The following C16orf74 variants were observed in gnomAD, a reference collection of about 807,000 sequenced individuals.
C16orf74 encodes uncharacterized protein C16orf74.
A neutral mutation model predicts 6.5 loss-of-function variants in C16orf74; 10 were observed. That is an observed-to-expected ratio of 1.54 (90% confidence interval 0.95 to 2.61). The LOEUF is 2.61. C16orf74 is among the 30% of genes most tolerant of loss of function. The probability of loss-of-function intolerance (pLI) is 0.00; values close to 1 mark genes in which losing one functional copy is unlikely to be tolerated. For synonymous variants in C16orf74, 60 were observed against 42.5 expected (o/e 1.41, Z -1.60); for missense variants, 141 against 105.9 (o/e 1.33, Z -1.45).
chr16:85,735,321 T>C (rs962341555), intron 1 of C16orf74, 86 bp from the exon 2 acceptor site: 20 of 897,238 alleles, frequency 2.2e-5, no homozygotes, highest in African/African-American at 3.5e-5. Context: ...CCCTTGGCCC[T>C]GATGAGTGCA....
Position 85,710,790 on chromosome 16 carries a change from C to T in C16orf74, c.29-483G>A, listed in dbSNP as rs180983723. On this transcript the variant is annotated intron_variant, in intron 2 of 3. Transcript: ENST00000284245. ...GCCTGAGTAACAAGCTCCTGCTTAT[C>T]CTTCAAAGCCCAGTGCAACGGGCTC... is the stretch of plus-strand genomic sequence containing the variant. The T allele has an allele frequency of 5.3e-3, 824 of 154,224 alleles. 9 individuals carry two copies. The highest frequency in any genetic ancestry group is 0.019 in the African/African-American group (803 of 41,652). The allele number at this position is 154,224 out of a possible 1,614,324, so 9.6% of individuals were successfully genotyped here.
chr16:85,731,153 G>T (rs1184568743), intron 2 of C16orf74, among the ~76,000 whole-genome samples: 1 of 152,186 alleles, frequency 6.6e-6, no homozygotes, highest in South Asian at 2.1e-4. Context: ...AAACCTGTGG[G>T]CTGGATGCAG....
chr16:85,747,607 A>G (rs2054388664), intron 1 of C16orf74, among the ~76,000 whole-genome samples: 1 of 152,172 alleles, frequency 6.6e-6, no homozygotes, highest in Admixed American at 6.5e-5. Flanking sequence ...CACTTATTAC[A>G]ATGGGCATAT....
intron 2 of C16orf74, among the ~76,000 whole-genome samples, chr16:85,732,665 CAAA>C (rs66539936): frequency 6.8e-4 from 30 of 44,162 alleles, no homozygotes; most frequent in African/African-American, 1.0e-3. Flanking sequence ...GACTCTGTCT[CAAA>C]AAAAAAAAAA....
chr16:85,737,366 G>T (rs2054256251), intron 1 of C16orf74, among the ~76,000 whole-genome samples: 1 of 152,046 alleles, frequency 6.6e-6, no homozygotes, highest in African/African-American at 2.4e-5. Context: ...AGAAGAGCTG[G>T]GCACTGCAGC....
chr16:85,716,484 G>C (rs2054025210), intron 2 of C16orf74, among the ~76,000 whole-genome samples: 1 of 141,186 alleles, frequency 7.1e-6, no homozygotes, highest in Non-Finnish European at 1.5e-5. Flanking sequence ...GGAGGAGAGA[G>C]GGGACGAAGG....
chr16:85,708,191 A>G, intron 3 of C16orf74, 125 bp from the exon 4 acceptor site: 2 of 786,264 alleles, frequency 2.5e-6, no homozygotes, highest in Non-Finnish European at 2.1e-6. Context: ...CCAGAGGCTG[A>G]GATGGGACCC....
At chr16:85,725,134 G>A (rs1200090146) in intron 2 of C16orf74, among the ~76,000 whole-genome samples, 4 of 152,298 alleles carry the variant, frequency 2.6e-5, no homozygotes, top group South Asian at 4.1e-4. Flanking sequence ...GGCAGGGGGC[G>A]GGGCGAGATC....
At chr16:85,715,535 C>A (rs1394538990) in intron 2 of C16orf74, among the ~76,000 whole-genome samples, 1 of 152,212 alleles carries the variant, frequency 6.6e-6, no homozygotes, top group Non-Finnish European at 1.5e-5. Flanking sequence ...GGCAAACTTT[C>A]TGCAAGGGGC....
At position 85,750,979 on chromosome 16, in the gene C16orf74, C is replaced by T. The variant is rs961722471; in HGVS notation, c.-72G>A. 10 of 150,388 alleles carry T rather than the reference C, an allele frequency of 6.6e-5. No homozygotes were observed. Among genetic ancestry groups the T allele is most frequent in the East Asian group, 2.0e-4 (1 of 5,122 alleles). The allele number at this position is 150,388 out of a possible 1,614,324, so 9.3% of individuals were successfully genotyped here. A position where few individuals can be genotyped will look rare whatever the true frequency, so the allele number is the denominator to read the frequency against. ...AGCCGCGCCCGAGGCGCGCGAGGCC[C>T]GCCCGGGCGCTGGTGGTGGTGGCGG... On this transcript the variant is annotated 5_prime_UTR_variant, in exon 1 of 4. Coordinates refer to ENST00000284245, the MANE Select transcript of C16orf74 (RefSeq NM_206967.3).
intron 2 of C16orf74, among the ~76,000 whole-genome samples, chr16:85,722,672 C>T (rs2054094679): frequency 6.6e-6 from 1 of 152,198 alleles, no homozygotes; most frequent in African/African-American, 2.4e-5. Flanking sequence ...CAGCAACATG[C>T]TTTGGGACCC....
At chr16:85,750,873 G>C (rs937190972) in intron 1 of C16orf74, 53 bp downstream of exon 1, 3 of 151,880 alleles carry the variant, frequency 2.0e-5, no homozygotes, top group African/African-American at 7.2e-5. Context: ...GTTGCTCGGG[G>C]AAGGCGGGCG....
At chr16:85,714,864 G>C (rs145031206) in intron 2 of C16orf74, among the ~76,000 whole-genome samples, 39 of 151,608 alleles carry the variant, frequency 2.6e-4, no homozygotes, top group African/African-American at 8.2e-4. Context: ...CTTTAAAGAA[G>C]AGAACATTTC....
intron 1 of C16orf74, among the ~76,000 whole-genome samples, chr16:85,741,297 C>A (rs1234082225): frequency 6.6e-6 from 1 of 152,202 alleles, no homozygotes; most frequent in Admixed American, 6.5e-5. Flanking sequence ...GGCAGCACCA[C>A]CTCCCTGAAG....
At chr16:85,720,973 C>T (rs1031454206) in intron 2 of C16orf74, among the ~76,000 whole-genome samples, 1 of 152,170 alleles carries the variant, frequency 6.6e-6, no homozygotes, top group South Asian at 2.1e-4. Flanking sequence ...CACCTGTAAT[C>T]CCAGCTACTT....
chr16:85,744,026 G>A (rs535567620), intron 1 of C16orf74: 1 of 150,316 alleles, frequency 6.7e-6, no homozygotes, highest in East Asian at 2.0e-4. Flanking sequence ...TGCACACCAG[G>A]CTGAGCGACA....
At chr16:85,746,258 G>C (rs1260742065) in intron 1 of C16orf74, among the ~76,000 whole-genome samples, 2 of 152,202 alleles carry the variant, frequency 1.3e-5, no homozygotes, top group African/African-American at 4.8e-5. Context: ...GCCGAGGCAG[G>C]AGAATCGCTT....
In C16orf74 at chr16:85,732,319, C is replaced by G. The variant is rs143717972; in HGVS notation, c.28+2871G>C. Among the ~76,000 whole-genome samples, 31 of 152,278 alleles carry G rather than the reference C, an allele frequency of 2.0e-4. 1 individual carries two copies. The East Asian group carries it at 5.0e-3, about 25-fold the overall frequency. ...GTCATCTCTTACGGCAGCCCTAGGA[C>G]AGTAAGACCCCATGTTACAGAGTTC... is the stretch of plus-strand genomic sequence containing the variant. On this transcript the variant is annotated intron_variant, in intron 2 of 3. Coordinates refer to ENST00000284245, the MANE Select transcript of C16orf74 (RefSeq NM_206967.3).
chr16:85,738,040 G>T (rs2054263481), intron 1 of C16orf74, among the ~76,000 whole-genome samples: 1 of 145,434 alleles, frequency 6.9e-6, no homozygotes, highest in Non-Finnish European at 1.5e-5. Flanking sequence ...TTCTTCCAGT[G>T]TGGCCCAGGG....
Sources: gnomAD v4.1 joint callset for allele counts (sites outside exome capture counted in the v4.1 genomes callset) on GRCh38, gnomAD v4.1.1 for gene constraint, MANE v1.5 for transcripts, NCBI Gene and HGNC (gene_info 2026-07-23, HGNC 2026-07-21) for gene names.